Variants in SRGAP1 observed in about 807,000 individuals in gnomAD.
SRGAP1 encodes SLIT-ROBO Rho GTPase-activating protein 1.
Under a neutral mutation model 121.9 loss-of-function variants are expected in SRGAP1, and 43 were observed. The observed-to-expected ratio is 0.35, with a 90% CI of 0.28 to 0.46. The LOEUF is 0.46. SRGAP1 is among the 20% of genes least tolerant of loss of function. SRGAP1 has a pLI of 1.00. For missense variants in SRGAP1, 1,102 were observed against 1,350.9 expected (o/e 0.82, Z 2.89); for synonymous variants, 447 against 485.4 (o/e 0.92, Z 1.04).
At chr12:63,865,906 G>T (rs563014173) in intron 1 of SRGAP1, among the ~76,000 whole-genome samples, 2 of 149,734 alleles carry the variant, frequency 1.3e-5, no homozygotes, top group East Asian at 4.1e-4. Flanking sequence ...TTGGTTTTGG[G>T]AAGTGCTTTG....
chr12:64,098,372 A>C (rs1010082104), intron 15 of SRGAP1, among the ~76,000 whole-genome samples: 2 of 152,076 alleles, frequency 1.3e-5, no homozygotes, highest in African/African-American at 4.8e-5. Context: ...AAAAAAAAAA[A>C]AAAACTGGGT....
intron 1 of SRGAP1, among the ~76,000 whole-genome samples, chr12:63,936,602 G>C (rs564965807): frequency 1.3e-5 from 2 of 152,264 alleles, no homozygotes; most frequent in East Asian, 3.9e-4. Context: ...AGACAGTACA[G>C]TGAAGACATA....
At chr12:63,891,832 C>G (rs866955928) in intron 1 of SRGAP1, among the ~76,000 whole-genome samples, 20 of 151,678 alleles carry the variant, frequency 1.3e-4, no homozygotes, top group African/African-American at 4.6e-4. Flanking sequence ...ACTAAAAATA[C>G]AAAAATTAGC....
intron 6 of SRGAP1, among the ~76,000 whole-genome samples, chr12:64,046,923 AAAAAC>A (rs1430695528): frequency 2.0e-5 from 3 of 152,022 alleles, no homozygotes; most frequent in Admixed American, 6.6e-5. Flanking sequence ...GACTGAAAAA[AAAAAC>A]AAAACAAAAC....
chr12:63,920,189 G>A (rs569120331), intron 1 of SRGAP1, among the ~76,000 whole-genome samples: 33 of 152,278 alleles, frequency 2.2e-4, no homozygotes, highest in African/African-American at 7.5e-4. Context: ...CTTAATTTTT[G>A]CCAGTCTGGT....
chr12:64,094,706 T>C (rs1431271932), intron 12 of SRGAP1, among the ~76,000 whole-genome samples: 1 of 152,228 alleles, frequency 6.6e-6, no homozygotes, highest in Non-Finnish European at 1.5e-5. Context: ...ATTCACATAT[T>C]CATTTTGGTA....
chr12:64,071,340 G>A (rs1017397293), intron 8 of SRGAP1, among the ~76,000 whole-genome samples: 58 of 152,250 alleles, frequency 3.8e-4, no homozygotes, highest in Middle Eastern at 3.4e-3. Flanking sequence ...GAAACCACTC[G>A]TTTTCTCTGA....
At chr12:64,072,168 T>G (rs1328413815) in intron 8 of SRGAP1, among the ~76,000 whole-genome samples, 1 of 118,724 alleles carries the variant, frequency 8.4e-6, no homozygotes, top group South Asian at 2.9e-4. Context: ...GGGGGGCTCT[T>G]TCTGCTAATT....
At chr12:64,115,936 C>A in intron 18 of SRGAP1, 43 bp downstream of exon 18, 1 of 1,500,458 alleles carries the variant, frequency 6.7e-7, no homozygotes, top group Non-Finnish European at 9.2e-7. Flanking sequence ...GTCTTTATAT[C>A]CCTATTGTAA....
intron 1 of SRGAP1, among the ~76,000 whole-genome samples, chr12:63,913,175 A>C (rs903850672): frequency 2.8e-5 from 4 of 141,460 alleles, no homozygotes; most frequent in Non-Finnish European, 6.1e-5. Context: ...CAGTGCAACC[A>C]ATTTTCTGGT....
chr12:64,072,108 C>CTGTGTATGTG (rs2035649005), intron 8 of SRGAP1, among the ~76,000 whole-genome samples: 1 of 80,366 alleles, frequency 1.2e-5, no homozygotes, highest in South Asian at 5.5e-4. Context: ...CAATCTCTCT[C>CTGTGTATGTG]TGTGTGTGTG....
intron 1 of SRGAP1, among the ~76,000 whole-genome samples, chr12:63,925,711 C>T (rs1389576296): frequency 2.0e-5 from 3 of 152,136 alleles, no homozygotes; most frequent in Non-Finnish European, 4.4e-5. Context: ...TTATTGATTG[C>T]TGCGCTTATA....
At chr12:63,908,793 T>G (rs989401454) in intron 1 of SRGAP1, among the ~76,000 whole-genome samples, 1 of 152,262 alleles carries the variant, frequency 6.6e-6, no homozygotes. Flanking sequence ...AATTGTTCAT[T>G]GTTAGCATAT....
At chr12:64,005,753 C>T (rs1266359470) in intron 3 of SRGAP1, among the ~76,000 whole-genome samples, 1 of 152,140 alleles carries the variant, frequency 6.6e-6, no homozygotes, top group Non-Finnish European at 1.5e-5. Flanking sequence ...AAGATCTAAT[C>T]ACTCTACCGA....
In SRGAP1 at chr12:64,156,886, C is replaced by A. The variant is rs1004938833; in HGVS notation, c.*14214C>A. On this transcript the variant is annotated 3_prime_UTR_variant, in exon 22 of 22. Coordinates refer to ENST00000355086, the MANE Select transcript of SRGAP1 (RefSeq NM_020762.4). ...GAACACATTTCTCTAGGAAAGATTA[C>A]CTTCTCTGAAGAAGTGATAGGGGGA... The A allele has an allele frequency of 6.6e-6, 1 of 152,120 alleles. No individual in the cohort carries two copies. The highest frequency in any genetic ancestry group is 2.4e-5 in the African/African-American group (1 of 41,424). 9.4% of individuals were successfully genotyped at this position (152,120 alleles called of 1,614,324 possible).
intron 1 of SRGAP1, among the ~76,000 whole-genome samples, chr12:63,938,269 T>A (rs891831776): frequency 1.3e-5 from 2 of 152,182 alleles, no homozygotes; most frequent in Admixed American, 1.3e-4. Flanking sequence ...TTTAGCCAGT[T>A]CACATTTCAC....
intron 1 of SRGAP1, among the ~76,000 whole-genome samples, chr12:63,956,498 C>T (rs2032475922): frequency 1.3e-5 from 2 of 152,140 alleles, no homozygotes; most frequent in African/African-American, 2.4e-5. Context: ...CTTGTGTAAA[C>T]GCCTTTAAAA....
Position 64,142,827 on chromosome 12 carries a change from T to A in SRGAP1, c.*155T>A. 1.0e-6 allele frequency: 1 copy of A among 990,680 alleles called. No individual in the cohort carries two copies. Among genetic ancestry groups the A allele is most frequent in the Non-Finnish European group, 1.5e-6 (1 of 682,400 alleles). 61.4% of individuals were successfully genotyped at this position (990,680 alleles called of 1,614,324 possible). A position where few individuals can be genotyped will look rare whatever the true frequency, so the allele number is the denominator to read the frequency against. ...GTCGAATGTAATGTCTGAGACTAGCTAAATTAACACGGGCATTTGTATTTT... is the reference window on the plus strand; with the variant it reads ...GTCGAATGTAATGTCTGAGACTAGCAAAATTAACACGGGCATTTGTATTTT... On this transcript the variant is annotated 3_prime_UTR_variant, in exon 22 of 22. Transcript: ENST00000355086.
chr12:63,929,335 AG>A (rs2031376753), intron 1 of SRGAP1, among the ~76,000 whole-genome samples: 1 of 152,204 alleles, frequency 6.6e-6, no homozygotes, highest in Admixed American at 6.5e-5. Flanking sequence ...CTACCTTATA[AG>A]GTCATTACAA....
Sources: allele counts gnomAD v4.1 joint callset (sites outside exome capture counted in the v4.1 genomes callset), GRCh38; gene constraint gnomAD v4.1.1; transcripts MANE v1.5; gene names NCBI Gene and HGNC (gene_info 2026-07-23, HGNC 2026-07-21).